EIF4G3: variants seen among roughly 807,000 people sequenced by gnomAD.
EIF4G3 encodes the protein eIF-4-gamma 3.
A neutral mutation model predicts 186.4 loss-of-function variants in EIF4G3; 34 were observed. That is an observed-to-expected ratio of 0.18 (90% CI 0.14 to 0.24). The LOEUF is 0.24. EIF4G3 is among the 10% of genes least tolerant of loss of function. EIF4G3 has a pLI of 1.00. For synonymous variants in EIF4G3, 673 were observed against 679.5 expected (o/e 0.99, Z 0.15); for missense variants, 1,536 against 1,948.5 (o/e 0.79, Z 3.99).
At chr1:20,899,123 G>T (rs956080293) in intron 16 of EIF4G3, among the ~76,000 whole-genome samples, 4 of 152,162 alleles carry the variant, frequency 2.6e-5, no homozygotes, top group Admixed American at 1.3e-4. Flanking sequence ...ATAGCATTAT[G>T]ACAGAGGTTT....
At chr1:20,855,282 C>CA (rs1244309161) in intron 25 of EIF4G3, among the ~76,000 whole-genome samples, 1 of 152,022 alleles carries the variant, frequency 6.6e-6, no homozygotes, top group South Asian at 2.1e-4. Context: ...CCAGTTTCCA[C>CA]AAAAAACTGT....
chr1:21,148,145 T>C (rs562748144), intron 2 of EIF4G3, among the ~76,000 whole-genome samples: 1 of 152,338 alleles, frequency 6.6e-6, no homozygotes, highest in South Asian at 2.1e-4. Context: ...CATAATTCAC[T>C]GCAGCCTCAA....
chr1:20,985,721 G>A (rs948222464), intron 7 of EIF4G3, among the ~76,000 whole-genome samples: 1 of 152,118 alleles, frequency 6.6e-6, no homozygotes, highest in Non-Finnish European at 1.5e-5. Flanking sequence ...TCTCAACTGA[G>A]TGATGAACAA....
chr1:21,156,594 T>TA (rs2097665349), intron 2 of EIF4G3, among the ~76,000 whole-genome samples: 1 of 152,202 alleles, frequency 6.6e-6, no homozygotes, highest in East Asian at 1.9e-4. Context: ...ACATCTTTCT[T>TA]ACTCTATCAA....
At chr1:20,926,239 T>C (rs2094878983) in intron 14 of EIF4G3, among the ~76,000 whole-genome samples, 1 of 152,210 alleles carries the variant, frequency 6.6e-6, no homozygotes, top group African/African-American at 2.4e-5. Context: ...TACCACTTAT[T>C]AACTATATAA....
intron 4 of EIF4G3, among the ~76,000 whole-genome samples, chr1:21,045,497 C>A (rs113551526): frequency 7.2e-4 from 110 of 152,236 alleles, no homozygotes; most frequent in African/African-American, 2.6e-3. Context: ...AATCCAGAAA[C>A]AGCAGGCAGA....
At chr1:20,924,744 T>C (rs912588719) in intron 14 of EIF4G3, among the ~76,000 whole-genome samples, 1 of 152,174 alleles carries the variant, frequency 6.6e-6, no homozygotes, top group African/African-American at 2.4e-5. Context: ...ATATTTTTAG[T>C]AGAGATGGGG....
At chr1:21,145,292 T>A (rs903837623) in intron 2 of EIF4G3, among the ~76,000 whole-genome samples, 5 of 151,604 alleles carry the variant, frequency 3.3e-5, no homozygotes, top group Admixed American at 1.3e-4. Context: ...CATGACTACT[T>A]CTAGTAGAAT....
intron 12 of EIF4G3, among the ~76,000 whole-genome samples, chr1:20,959,084 C>T (rs1330356664): frequency 2.0e-5 from 3 of 151,994 alleles, no homozygotes; most frequent in African/African-American, 4.8e-5. Context: ...GCCCAAGTAG[C>T]CAAAGCAATC....
intron 3 of EIF4G3, among the ~76,000 whole-genome samples, chr1:21,051,904 A>G (rs1358395637): frequency 6.6e-6 from 1 of 151,872 alleles, no homozygotes; most frequent in East Asian, 1.9e-4. Flanking sequence ...ATCTAAATAT[A>G]CATATACATA....
At chr1:20,933,603 C>A (rs2095414838) in intron 14 of EIF4G3, among the ~76,000 whole-genome samples, 1 of 151,994 alleles carries the variant, frequency 6.6e-6, no homozygotes, top group Non-Finnish European at 1.5e-5. Flanking sequence ...TTGCAGTGAG[C>A]TGAGATCACA....
chr1:21,023,810 G>A (rs552851042), intron 4 of EIF4G3, among the ~76,000 whole-genome samples: 1,724 of 144,354 alleles, frequency 0.012, 55 homozygotes, highest in African/African-American at 0.037. Flanking sequence ...TCTAGGAAGT[G>A]AGGAGCGCCT....
chr1:20,824,541 A>C (rs1174928388), intron 33 of EIF4G3, among the ~76,000 whole-genome samples: 1 of 152,204 alleles, frequency 6.6e-6, no homozygotes, highest in Non-Finnish European at 1.5e-5. Flanking sequence ...TCAACCTAAC[A>C]GCCCACAAAT....
chr1:20,817,361 G>C (rs1433087383), intron 34 of EIF4G3, 31 bp downstream of exon 34: 2 of 1,446,122 alleles, frequency 1.4e-6, no homozygotes, highest in Non-Finnish European at 1.8e-6. Flanking sequence ...TTCCTGTAGA[G>C]GTATCAGGGA....
chr1:20,857,552 G>C (rs2075318989), intron 24 of EIF4G3, 55 bp from the exon 25 acceptor site: 2 of 1,349,014 alleles, frequency 1.5e-6, no homozygotes, highest in African/African-American at 2.9e-5. Flanking sequence ...GTTTTACATT[G>C]AAAGAGTGAG....
intron 29 of EIF4G3, 150 bp from the exon 30 acceptor site, chr1:20,841,178 C>A: frequency 1.4e-6 from 1 of 728,322 alleles, no homozygotes; most frequent in Non-Finnish European, 2.1e-6. Flanking sequence ...ATTTGTTTAA[C>A]ATAATTTATA....
chr1:21,044,804 C>A (rs761664598), intron 4 of EIF4G3, among the ~76,000 whole-genome samples: 5 of 152,040 alleles, frequency 3.3e-5, no homozygotes, highest in Admixed American at 1.3e-4. Context: ...TGTGCCATCA[C>A]ACCTAGCTAG....
At position 20,941,721 on chromosome 1, in the gene EIF4G3, G is replaced by A; in HGVS notation, c.1433C>T (p.Pro478Leu). 1 of 1,608,848 alleles carries A rather than the reference G, an allele frequency of 6.2e-7. No individual in the cohort carries two copies. The highest frequency in any genetic ancestry group is 8.5e-7 in the Non-Finnish European group (1 of 1,177,322). The part of the protein sequence containing the change: ...PSFPPTPPTP[P>L]ASPPHTPVIV... The stretch of plus-strand genomic sequence containing the variant: ...GACTGGAGTGTGAGGAGGAGAAGCT[G>A]GAGGAGTTGGAGGAGTTGGAGGAAA... The change falls in exon 14 of 37, where the codon CCA (proline) becomes CTA (leucine). Residue 478 changes from proline (P) to leucine (L), a missense_variant. Physicochemically the swap from Pro to Leu is moderately conservative, Grantham distance 98. Around this residue, in one of 11 missense-constraint regions of EIF4G3, gnomAD observed 560 missense variants for 547.8 expected, o/e 1.02. Transcript: ENST00000602326.
chr1:21,057,465 T>C (rs770509005), intron 3 of EIF4G3, among the ~76,000 whole-genome samples: 2 of 152,246 alleles, frequency 1.3e-5, no homozygotes, highest in South Asian at 2.1e-4. Flanking sequence ...TATTAGTCAA[T>C]AGATGTACAC....
Sources: allele counts gnomAD v4.1 joint callset (sites outside exome capture counted in the v4.1 genomes callset), GRCh38; gene constraint gnomAD v4.1.1; regional missense constraint gnomAD v4.1.1; transcripts MANE v1.5; gene names NCBI Gene and HGNC (gene_info 2026-07-23, HGNC 2026-07-21).